The following MON2 variants were observed in gnomAD, a reference collection of about 807,000 sequenced individuals.
MON2 encodes MON2 regulator of endosome-to-Golgi trafficking.
Under a neutral mutation model 208.6 loss-of-function variants are expected in MON2, and 84 were observed. The observed-to-expected ratio is 0.40, with a 90% CI of 0.34 to 0.48. The LOEUF (loss-of-function observed/expected upper bound fraction) is 0.48, where lower values mean the gene tolerates loss of function less well. Among genes scored for constraint, MON2 ranks in the 20% least tolerant of loss-of-function variants. The pLI, the probability that MON2 is intolerant of heterozygous loss-of-function variation, is 0.59. For synonymous variants in MON2, 660 were observed against 694.0 expected (o/e 0.95, Z 0.77); for missense variants, 1,611 against 2,015.4 (o/e 0.80, Z 3.84).
Position 62,588,080 on chromosome 12 carries a change from A to G in MON2, c.4914A>G (p.Gln1638=), listed in dbSNP as rs1409891219. The stretch of plus-strand genomic sequence containing the variant: ...TTTCCTATCTCTTTTTCAGGCAACA[A>G]GTAACAGAAATTATATTTGTTTTAA... ...LSGKCPLPRQ[Q]VTEIIFVLKA... Residue 1638 remains glutamine (Q), a synonymous_variant, in exon 34 of 35, where the codon CAA becomes CAG. Transcript: ENST00000393630. The G allele has an allele frequency of 6.4e-7, 1 of 1,558,974 alleles. No homozygotes were observed. Among genetic ancestry groups the G allele is most frequent in the Non-Finnish European group, 8.8e-7 (1 of 1,132,730 alleles).
chr12:62,561,081 G>T lies in MON2; in HGVS notation c.4000G>T (p.Ala1334Ser), dbSNP rs369441708. 54 of 1,612,488 alleles carry T rather than the reference G, an allele frequency of 3.3e-5. No homozygotes were observed. The African/African-American group carries it at 6.4e-4, about 19-fold the overall frequency. The change falls in exon 26 of 35, where the codon GCT becomes TCT. Residue 1334 changes from alanine to serine, a missense_variant. Coordinates refer to ENST00000393630, the MANE Select transcript of MON2 (RefSeq NM_015026.3). ...AGCAGTTTTGACAAGTTTACAGGAAGCTGTACTTACAGCTTTAGATGTTCT... is the reference window on the plus strand; with the variant it reads ...AGCAGTTTTGACAAGTTTACAGGAATCTGTACTTACAGCTTTAGATGTTCT... ...TEAVLTSLQE[A>S]VLTALDVLQK...
chr12:62,495,764 A>G (rs2070443120), intron 4 of MON2, among the ~76,000 whole-genome samples: 1 of 151,646 alleles, frequency 6.6e-6, no homozygotes, highest in South Asian at 2.1e-4. Context: ...CTCCCTACCC[A>G]TAATTTCACA....
intron 24 of MON2, 23 bp downstream of exon 24, chr12:62,553,197 A>G (rs1202212087): frequency 1.1e-5 from 17 of 1,598,884 alleles, no homozygotes; most frequent in Admixed American, 3.4e-5. Context: ...AGATTGGACT[A>G]TCAGCTTTTA....
rs547245052 is a variant in MON2 at position 62,541,752 on chromosome 12, C to T, written c.2365-1345C>T. ...TGTAGTTTTTTAAAAAGTGCAAATGCGAGGGCCACATTCTAGGTTTTTGAG... is the reference window on the plus strand; with the variant it reads ...TGTAGTTTTTTAAAAAGTGCAAATGTGAGGGCCACATTCTAGGTTTTTGAG... On this transcript the variant is annotated intron_variant, in intron 19 of 34. Transcript: ENST00000393630. Among the ~76,000 whole-genome samples the T allele has an allele frequency of 1.1e-4, 16 of 152,182 alleles. No individual in the cohort carries two copies. In the South Asian group the frequency reaches 1.2e-3, roughly 12 times the overall value.
chr12:62,501,530 CA>C, intron 6 of MON2, 42 bp from the exon 7 acceptor site: 1 of 1,600,792 alleles, frequency 6.2e-7, no homozygotes. Flanking sequence ...TGGAAAAGCA[CA>C]TTTAATTCTA....
intron 12 of MON2, among the ~76,000 whole-genome samples, chr12:62,534,077 T>G (rs1050189844): frequency 6.6e-6 from 1 of 152,060 alleles, no homozygotes; most frequent in Non-Finnish European, 1.5e-5. Context: ...AAAGTTTGGG[T>G]TGATGAAGGC....
At chr12:62,529,178 T>A (rs2072492150) in intron 11 of MON2, among the ~76,000 whole-genome samples, 1 of 152,216 alleles carries the variant, frequency 6.6e-6, no homozygotes, top group East Asian at 1.9e-4. Flanking sequence ...TAATCAACAA[T>A]GTAAACATAT....
At chr12:62,523,365 G>T (rs2072163481) in intron 8 of MON2, among the ~76,000 whole-genome samples, 1 of 152,170 alleles carries the variant, frequency 6.6e-6, no homozygotes, top group Non-Finnish European at 1.5e-5. Flanking sequence ...AGGCAACCAT[G>T]CTTGTCCTTA....
intron 2 of MON2, among the ~76,000 whole-genome samples, chr12:62,491,892 T>C (rs770639813): frequency 9.2e-5 from 14 of 152,228 alleles, no homozygotes; most frequent in Non-Finnish European, 1.6e-4. Context: ...CAGGTTTAAA[T>C]CTGGTAGGAT....
intron 25 of MON2, 116 bp from the exon 26 acceptor site, chr12:62,560,375 C>T: frequency 2.0e-6 from 2 of 1,016,792 alleles, no homozygotes; most frequent in Non-Finnish European, 2.9e-6. Flanking sequence ...ATATATTTTC[C>T]AGTTCTGTAG....
chr12:62,534,547 ATATATATATATATATATATATTT>A (rs1266689345), intron 12 of MON2, among the ~76,000 whole-genome samples: 1 of 37,472 alleles, frequency 2.7e-5, no homozygotes, highest in Non-Finnish European at 4.9e-5. Context: ...AAAAAAATAT[ATATATATATATATATATATATTT>A]TATATATATA....
At chr12:62,483,621 C>T (rs1318486255) in intron 1 of MON2, among the ~76,000 whole-genome samples, 2 of 152,276 alleles carry the variant, frequency 1.3e-5, no homozygotes, top group East Asian at 3.9e-4. Context: ...GAGGCTGAGG[C>T]AGGAGAATGG....
At chr12:62,575,247 T>C (rs1319640846) in intron 30 of MON2, among the ~76,000 whole-genome samples, 1 of 152,238 alleles carries the variant, frequency 6.6e-6, no homozygotes, top group Non-Finnish European at 1.5e-5. Context: ...AAAAATACTT[T>C]AAGGCTCAAA....
chr12:62,546,534 A>C (rs2073490439), intron 21 of MON2, among the ~76,000 whole-genome samples: 1 of 152,138 alleles, frequency 6.6e-6, no homozygotes, highest in Non-Finnish European at 1.5e-5. Flanking sequence ...TGGGCGGATC[A>C]CCTGAGGTCA....
At chr12:62,519,154 A>C (rs927674377) in intron 8 of MON2, among the ~76,000 whole-genome samples, 1 of 152,216 alleles carries the variant, frequency 6.6e-6, no homozygotes, top group African/African-American at 2.4e-5. Flanking sequence ...AGGGGGTGCT[A>C]CCATTCAAAA....
chr12:62,556,252 TACAG>T (rs1453633478), intron 25 of MON2, 60 bp downstream of exon 25: 4 of 1,446,362 alleles, frequency 2.8e-6, no homozygotes, highest in Non-Finnish European at 2.9e-6. Flanking sequence ...ATTTGGAAAA[TACAG>T]ACGATTCTTT....
intron 22 of MON2, among the ~76,000 whole-genome samples, chr12:62,548,771 T>G (rs2073610998): frequency 6.6e-6 from 1 of 152,170 alleles, no homozygotes; most frequent in Non-Finnish European, 1.5e-5. Context: ...TATTAGCAAT[T>G]ATACTTATCA....
At chr12:62,582,769 T>A (rs1258905671) in intron 32 of MON2, among the ~76,000 whole-genome samples, 1 of 152,018 alleles carries the variant, frequency 6.6e-6, no homozygotes, top group Non-Finnish European at 1.5e-5. Flanking sequence ...CATACAAAAC[T>A]TTTATTTGCT....
intron 1 of MON2, among the ~76,000 whole-genome samples, chr12:62,478,779 A>C (rs914847175): frequency 2.0e-5 from 3 of 152,194 alleles, no homozygotes; most frequent in African/African-American, 2.4e-5. Flanking sequence ...AAGAATTGAG[A>C]CAGTGGATGG....
Sources: gnomAD v4.1 joint callset for allele counts (sites outside exome capture counted in the v4.1 genomes callset) on GRCh38, gnomAD v4.1.1 for gene constraint, MANE v1.5 for transcripts, NCBI Gene and HGNC (gene_info 2026-07-23, HGNC 2026-07-21) for gene names.